The following DACH1 variants were observed in gnomAD, a reference collection of about 807,000 sequenced individuals.
The protein encoded by DACH1 is dachshund homolog 1.
A neutral mutation model predicts 54.2 loss-of-function variants in DACH1; 12 were observed. The observed-to-expected ratio is 0.22, with a 90% CI of 0.14 to 0.36. The LOEUF is 0.36. Ranked by LOEUF, DACH1 falls within the 10% of genes least tolerant of loss-of-function variation. DACH1 has a pLI of 1.00. For missense variants in DACH1, 805 were observed against 929.8 expected, an observed-to-expected ratio of 0.87 and a Z score of 1.75; for synonymous variants, 386 against 366.2, an observed-to-expected ratio of 1.05 and a Z score of -0.62.
chr13:71,529,183 G>GTTTTTTTTTTGTTTGTTTTT (rs1299574030), intron 6 of DACH1, among the ~76,000 whole-genome samples: 6 of 80,978 alleles, frequency 7.4e-5, no homozygotes, highest in African/African-American at 2.6e-4. Flanking sequence ...TGTGATTTGG[G>GTTTTTTTTTTGTTTGTTTTT]TTTTTTTTTT....
intron 1 of DACH1, among the ~76,000 whole-genome samples, chr13:71,750,577 T>C (rs984704881): frequency 1.3e-5 from 2 of 152,194 alleles, no homozygotes; most frequent in African/African-American, 4.8e-5. Flanking sequence ...AATTGTTTCT[T>C]TAGAATTCAA....
At chr13:71,641,004 T>G (rs1022146543) in intron 2 of DACH1, among the ~76,000 whole-genome samples, 3 of 151,948 alleles carry the variant, frequency 2.0e-5, no homozygotes, top group Non-Finnish European at 4.4e-5. Flanking sequence ...TTTTCCAGAT[T>G]CCAAGTACCA....
intron 1 of DACH1, among the ~76,000 whole-genome samples, chr13:71,794,855 CA>C (rs1336973010): frequency 6.6e-6 from 1 of 152,014 alleles, no homozygotes; most frequent in Non-Finnish European, 1.5e-5. Flanking sequence ...AAGGTAAAAA[CA>C]AAAAACTAAT....
intron 1 of DACH1, among the ~76,000 whole-genome samples, chr13:71,747,174 A>G (rs2137964068): frequency 6.6e-6 from 1 of 152,280 alleles, no homozygotes; most frequent in Admixed American, 6.5e-5. Flanking sequence ...CTACAATTCA[A>G]AATTGTTCAC....
chr13:71,453,008 G>A (rs956578612), intron 10 of DACH1, among the ~76,000 whole-genome samples: 1 of 152,148 alleles, frequency 6.6e-6, no homozygotes, highest in Non-Finnish European at 1.5e-5. Context: ...TATACTGCTG[G>A]AGAAATGCTT....
chr13:71,766,277 T>C (rs1173976341), intron 1 of DACH1, among the ~76,000 whole-genome samples: 1 of 152,202 alleles, frequency 6.6e-6, no homozygotes, highest in Non-Finnish European at 1.5e-5. Flanking sequence ...GGTTGTCACC[T>C]GTAGCCTTTA....
chr13:71,550,785 T>C (rs1236635654), intron 6 of DACH1, among the ~76,000 whole-genome samples: 1 of 152,078 alleles, frequency 6.6e-6, no homozygotes, highest in African/African-American at 2.4e-5. Flanking sequence ...ATCACAGAAC[T>C]AAAAGTGATG....
In DACH1 at chr13:71,440,277, C is replaced by T. The variant is rs1003513777; in HGVS notation, c.*378G>A. On this transcript the variant is annotated 3_prime_UTR_variant, in exon 11 of 11. Transcript: ENST00000613252. The stretch of plus-strand genomic sequence containing the variant: ...TGGGTAACCACTGCTACAAGAGTCT[C>T]TTGATGTGCTCAGATACAGAATTTT... The T allele has an allele frequency of 1.7e-5, 3 of 175,194 alleles. No individual in the cohort carries two copies. Among genetic ancestry groups the T allele is most frequent in the Non-Finnish European group, 3.6e-5 (3 of 84,084 alleles). 10.9% of individuals were successfully genotyped at this position (175,194 alleles called of 1,614,324 possible). A position where few individuals can be genotyped will look rare whatever the true frequency, so the allele number is the denominator to read the frequency against.
At chr13:71,779,226 CGT>C (rs1886243072) in intron 1 of DACH1, among the ~76,000 whole-genome samples, 1 of 86,974 alleles carries the variant, frequency 1.1e-5, no homozygotes, top group Non-Finnish European at 2.1e-5. Context: ...TACGTATATA[CGT>C]ATATATACAC....
chr13:71,472,138 T>A (rs1877135434), intron 10 of DACH1, among the ~76,000 whole-genome samples: 3 of 152,208 alleles, frequency 2.0e-5, no homozygotes, highest in Admixed American at 1.3e-4. Context: ...GAAGTTTTTT[T>A]AAAATTTTTG....
intron 1 of DACH1, among the ~76,000 whole-genome samples, chr13:71,698,261 GA>G (rs1327906235): frequency 1.4e-4 from 22 of 151,936 alleles, no homozygotes; most frequent in Non-Finnish European, 2.8e-4. Flanking sequence ...CATATGAATA[GA>G]AAAATAATAC....
chr13:71,455,385 T>G (rs1175284643), intron 10 of DACH1, among the ~76,000 whole-genome samples: 3 of 152,098 alleles, frequency 2.0e-5, no homozygotes, highest in Admixed American at 6.6e-5. Context: ...TACCTATATG[T>G]GTACCTATAT....
chr13:71,566,371 A>C (rs1428031126), intron 4 of DACH1, among the ~76,000 whole-genome samples: 1 of 152,122 alleles, frequency 6.6e-6, no homozygotes, highest in Non-Finnish European at 1.5e-5. Context: ...TTATGATGCC[A>C]GCCACCACTG....
Position 71,438,874 on chromosome 13 carries a change from A to ACTT in DACH1, c.*1778_*1780dup, listed in dbSNP as rs1330785354. 6.6e-6 allele frequency: 1 copy of ACTT among 152,450 alleles called. No homozygotes were observed. Among genetic ancestry groups the ACTT allele is most frequent in the Non-Finnish European group, 1.5e-5 (1 of 67,902 alleles). 9.4% of individuals were successfully genotyped at this position (152,450 alleles called of 1,614,324 possible). A position where few individuals can be genotyped will look rare whatever the true frequency, so the allele number is the denominator to read the frequency against. On this transcript the variant is annotated 3_prime_UTR_variant, in exon 11 of 11. Coordinates refer to ENST00000613252, the MANE Select transcript of DACH1 (RefSeq NM_080759.6). Reference sequence around the variant, plus strand: ...TTTCTACAAATCATTTACTAGCAATACTTTAAATAAAAATAATGCTCCCTT... The same window carrying ACTT: ...TTTCTACAAATCATTTACTAGCAATACTTCTTTAAATAAAAATAATGCTCCCTT...
intron 2 of DACH1, among the ~76,000 whole-genome samples, chr13:71,632,731 A>G (rs1877204793): frequency 1.3e-5 from 2 of 152,034 alleles, no homozygotes; most frequent in African/African-American, 4.8e-5. Flanking sequence ...ACGCAACAAG[A>G]CCTTCAGATT....
rs117510922 is a variant in DACH1, at chr13:71,621,705, C to T, written c.1126+8851G>A. Among the ~76,000 whole-genome samples the T allele has an allele frequency of 2.1e-3, 318 of 152,154 alleles. 3 individuals are homozygous for T. In the East Asian group the frequency reaches 0.04, roughly 19 times the overall value. On this transcript the variant is annotated intron_variant, in intron 3 of 10. Coordinates refer to ENST00000613252, the MANE Select transcript of DACH1 (RefSeq NM_080759.6). ...GATCCTTGAAAATCAACACTCTTTG[C>T]TTATCATGCTGTGAAATACAAATAG...
At chr13:71,459,227 G>T (rs553412213) in intron 10 of DACH1, among the ~76,000 whole-genome samples, 12 of 151,866 alleles carry the variant, frequency 7.9e-5, no homozygotes, top group South Asian at 4.2e-4. Flanking sequence ...AATTCAAGAG[G>T]ATATGTATTA....
chr13:71,777,445 G>A (rs956751419), intron 1 of DACH1, among the ~76,000 whole-genome samples: 9 of 152,040 alleles, frequency 5.9e-5, no homozygotes, highest in Admixed American at 3.9e-4. Flanking sequence ...ATGGTACATC[G>A]TTGATGCTAA....
chr13:71,621,076 T>C (rs1392328840), intron 3 of DACH1, among the ~76,000 whole-genome samples: 2 of 151,992 alleles, frequency 1.3e-5, no homozygotes, highest in African/African-American at 4.8e-5. Flanking sequence ...TATGTGCATA[T>C]ATATGTTGTA....
Sources: gnomAD v4.1 joint callset for allele counts (sites outside exome capture counted in the v4.1 genomes callset) on GRCh38, gnomAD v4.1.1 for gene constraint, MANE v1.5 for transcripts, NCBI Gene and HGNC (gene_info 2026-07-23, HGNC 2026-07-21) for gene names.